Variants in BCO1 observed in about 807,000 individuals in gnomAD.
BCO1 encodes the protein beta-carotene oxygenase 1.
Under a neutral mutation model 56.3 loss-of-function variants are expected in BCO1, and 54 were observed. The observed-to-expected ratio is 0.96, with a 90% CI of 0.77 to 1.20. BCO1 has a LOEUF of 1.20. Among genes scored for constraint, BCO1 ranks in the 50% most tolerant of loss-of-function variants. The pLI, the probability that BCO1 is intolerant of heterozygous loss-of-function variation, is 0.00. For synonymous variants in BCO1, 318 were observed against 266.1 expected (o/e 1.20, Z -1.90); for missense variants, 801 against 690.9 (o/e 1.16, Z -1.79).
At chr16:81,258,075 G>C (rs1906257778) in intron 2 of BCO1, among the ~76,000 whole-genome samples, 1 of 152,110 alleles carries the variant, frequency 6.6e-6, no homozygotes, top group Non-Finnish European at 1.5e-5. Flanking sequence ...AGGGAAGGCA[G>C]CAGCTTCTCA....
chr16:81,238,995 G>T, intron 1 of BCO1, 23 bp downstream of exon 1: 1 of 1,604,284 alleles, frequency 6.2e-7, no homozygotes. Flanking sequence ...ATAAACACTG[G>T]GCTCTTTCTT....
At chr16:81,247,636 C>G (rs1905503256) in intron 2 of BCO1, among the ~76,000 whole-genome samples, 1 of 152,060 alleles carries the variant, frequency 6.6e-6, no homozygotes, top group Admixed American at 6.5e-5. Context: ...AAGTAATTCT[C>G]CTGCCTCAGC....
intron 3 of BCO1, chr16:81,261,824 C>G: frequency 1.7e-5 from 6 of 356,908 alleles, no homozygotes; most frequent in South Asian, 1.3e-4. Context: ...TCACTGCAAG[C>G]TCCGCCTCCC....
Position 81,269,065 on chromosome 16 carries a change from C to CTTTTTTT in BCO1, c.843+951_843+957dup, listed in dbSNP as rs71146003. Among the ~76,000 whole-genome samples, 24 of 83,088 alleles carry CTTTTTTT rather than the reference C, an allele frequency of 2.9e-4. 1 individual carries two copies. Among genetic ancestry groups the CTTTTTTT allele is most frequent in the African/African-American group, 9.5e-4 (17 of 17,888 alleles). 54.5% of individuals were successfully genotyped at this position (83,088 alleles called of 152,430 possible). On this transcript the variant is annotated intron_variant, in intron 6 of 10. Transcript: ENST00000258168. ...ACATGTGTGAGCCATTGCACCTGGT[C>CTTTTTTT]TTTTTTTTTTTTTTTTTTTTTTTGC...
At position 81,277,965 on chromosome 16, in the gene BCO1, C is replaced by T. The variant is rs1907654266; in HGVS notation, c.1102-2892C>T. On this transcript the variant is annotated intron_variant, in intron 7 of 10. Transcript: ENST00000258168. ...CCCAGAGGTCTCTTGCTGTCACATGCTTAGCAAGGTACCAGGAAGGGCCTC... is the reference window on the plus strand; with the variant it reads ...CCCAGAGGTCTCTTGCTGTCACATGTTTAGCAAGGTACCAGGAAGGGCCTC... Among the ~76,000 whole-genome samples, 3 of 152,200 alleles carry T rather than the reference C, an allele frequency of 2.0e-5. No individual in the cohort carries two copies. The South Asian group carries it at 6.2e-4, about 32-fold the overall frequency.
intron 10 of BCO1, among the ~76,000 whole-genome samples, chr16:81,287,775 C>G (rs900505334): frequency 6.6e-6 from 1 of 152,176 alleles, no homozygotes; most frequent in African/African-American, 2.4e-5. Flanking sequence ...CAGGCAGGAG[C>G]TTCCAGGTGC....
chr16:81,249,382 G>A (rs965256323), intron 2 of BCO1, among the ~76,000 whole-genome samples: 3 of 151,880 alleles, frequency 2.0e-5, no homozygotes, highest in African/African-American at 4.8e-5. Flanking sequence ...TCAGCCTCCC[G>A]AGTAGCTGGG....
At chr16:81,268,194 C>G in intron 6 of BCO1, 63 bp downstream of exon 6, 1 of 1,472,604 alleles carries the variant, frequency 6.8e-7, no homozygotes, top group Admixed American at 1.7e-5. Context: ...GGCTGGTGTG[C>G]AGGAGGGTGA....
chr16:81,252,413 G>C (rs539990311), intron 2 of BCO1, among the ~76,000 whole-genome samples: 142 of 152,076 alleles, frequency 9.3e-4, no homozygotes, highest in Middle Eastern at 6.8e-3. Context: ...CCGGCACCAT[G>C]CCCAGCTAAT....
Position 81,245,606 on chromosome 16 carries a change from G to A in BCO1, c.193+3G>A. The A allele has an allele frequency of 6.2e-7, 1 of 1,614,162 alleles. No homozygotes were observed. Among genetic ancestry groups the A allele is most frequent in the Non-Finnish European group, 8.5e-7 (1 of 1,180,020 alleles). ...CCACAGCTTCACCATCAGAGACGGT[G>A]AGAACACCCACGAGTGTGCTGCCAC... On this transcript the variant is annotated splice_donor_region_variant and intron_variant, in intron 2 of 10. Coordinates refer to ENST00000258168, the MANE Select transcript of BCO1 (RefSeq NM_017429.3).
chr16:81,285,170 A>G (rs113694867), intron 8 of BCO1, among the ~76,000 whole-genome samples: 3,395 of 152,278 alleles, frequency 0.022, 124 homozygotes, highest in African/African-American at 0.078. Context: ...ATATGTGCAC[A>G]TGCACGCACA....
chr16:81,277,653 A>G (rs974895736), intron 7 of BCO1, among the ~76,000 whole-genome samples: 12 of 152,190 alleles, frequency 7.9e-5, no homozygotes, highest in African/African-American at 2.9e-4. Flanking sequence ...TGAATTTCAT[A>G]TGGCAGGCAG....
chr16:81,283,453 C>CG (rs1907993875), intron 8 of BCO1, among the ~76,000 whole-genome samples: 1 of 151,904 alleles, frequency 6.6e-6, no homozygotes, highest in Non-Finnish European at 1.5e-5. Flanking sequence ...AAAAATTAGC[C>CG]GGGGGTAGTG....
chr16:81,245,940 G>A (rs565935266), intron 2 of BCO1, among the ~76,000 whole-genome samples: 1 of 143,732 alleles, frequency 7.0e-6, no homozygotes, highest in East Asian at 2.1e-4. Context: ...TTGACTCACG[G>A]CAACCTGCAT....
In BCO1 at chr16:81,285,595, C is replaced by G; in HGVS notation, c.1263C>G (p.Val421=). ...YAHNGKQYRY[V]FATGVQWSPI... The stretch of plus-strand genomic sequence containing the variant: ...ACAATGGAAAGCAATACCGATATGT[C>G]TTTGCTACAGGAGTTCAGTGGAGTC... The change falls in exon 9 of 11, where the codon GTC becomes GTG. Residue 421 remains valine (V), a synonymous_variant. Transcript: ENST00000258168. The G allele has an allele frequency of 6.2e-7, 1 of 1,613,744 alleles. No individual in the cohort carries two copies. Among genetic ancestry groups the G allele is most frequent in the Non-Finnish European group, 8.5e-7 (1 of 1,179,612 alleles).
At chr16:81,241,518 C>T (rs1478490913) in intron 1 of BCO1, among the ~76,000 whole-genome samples, 1 of 152,228 alleles carries the variant, frequency 6.6e-6, no homozygotes, top group Admixed American at 6.5e-5. Context: ...ATAAGCATCA[C>T]CTGGGTGCTG....
chr16:81,255,974 G>A (rs939168179), intron 2 of BCO1, among the ~76,000 whole-genome samples: 4 of 140,606 alleles, frequency 2.8e-5, no homozygotes, highest in East Asian at 2.1e-4. Context: ...CCAGTACCCC[G>A]GCTAATTTTT....
chr16:81,271,260 G>T (rs572599608), intron 7 of BCO1, among the ~76,000 whole-genome samples: 1 of 151,730 alleles, frequency 6.6e-6, no homozygotes. Context: ...GATTACAGGC[G>T]CCTGCCACCA....
At chr16:81,285,795 G>C (rs947600772) in intron 9 of BCO1, among the ~76,000 whole-genome samples, 161 bp downstream of exon 9, 3 of 152,170 alleles carry the variant, frequency 2.0e-5, no homozygotes, top group Admixed American at 2.0e-4. Flanking sequence ...CTGGGAGAGG[G>C]AGTGGTACCT....
Sources: gnomAD v4.1 joint callset for allele counts (sites outside exome capture counted in the v4.1 genomes callset) on GRCh38, gnomAD v4.1.1 for gene constraint, MANE v1.5 for transcripts, NCBI Gene and HGNC (gene_info 2026-07-23, HGNC 2026-07-21) for gene names.